Variants in AGBL1 observed in about 807,000 individuals in gnomAD.
AGBL1 encodes cytosolic carboxypeptidase 4.
A neutral mutation model predicts 118.9 loss-of-function variants in AGBL1; 130 were observed. The ratio of observed to expected loss-of-function variants is 1.09; its 90% CI spans 0.95 to 1.26. The LOEUF (loss-of-function observed/expected upper bound fraction) is 1.26. AGBL1 is among the 50% of genes most tolerant of loss of function. The pLI is 0.00. For missense variants in AGBL1, 1,584 were observed against 1,298.1 expected (o/e 1.22, Z -3.38); for synonymous variants, 555 against 478.9 (o/e 1.16, Z -2.08).
chr15:86,426,191 G>T (rs2081864456), intron 18 of AGBL1, among the ~76,000 whole-genome samples: 1 of 152,164 alleles, frequency 6.6e-6, no homozygotes, highest in Non-Finnish European at 1.5e-5. Context: ...TACTCTGAAA[G>T]ACTGCGAATT....
chr15:86,379,899 CT>C (rs1309478984), intron 17 of AGBL1, among the ~76,000 whole-genome samples: 2 of 152,202 alleles, frequency 1.3e-5, no homozygotes, highest in Non-Finnish European at 2.9e-5. Context: ...GAACTCTTAA[CT>C]TTTCAGAAAG....
At chr15:86,924,220 G>T (rs1416078518) in intron 23 of AGBL1, among the ~76,000 whole-genome samples, 2 of 152,186 alleles carry the variant, frequency 1.3e-5, no homozygotes, top group Non-Finnish European at 2.9e-5. Flanking sequence ...ACGATAGATT[G>T]GCTGGTAAGT....
intron 18 of AGBL1, among the ~76,000 whole-genome samples, chr15:86,445,228 A>C (rs80036574): frequency 7.4e-4 from 113 of 152,370 alleles, no homozygotes; most frequent in African/African-American, 2.7e-3. Flanking sequence ...TGACAGGAGT[A>C]GCAAGTCAGC....
chr15:86,777,484 G>A (rs1303560114), intron 22 of AGBL1, among the ~76,000 whole-genome samples: 4 of 151,546 alleles, frequency 2.6e-5, no homozygotes, highest in African/African-American at 9.7e-5. Context: ...GTTTCCATAG[G>A]AAGTTTAGAA....
intron 24 of AGBL1, among the ~76,000 whole-genome samples, chr15:87,014,996 C>T (rs919101927): frequency 3.3e-5 from 5 of 152,076 alleles, no homozygotes; most frequent in African/African-American, 1.2e-4. Flanking sequence ...GAAGATTGCG[C>T]TCAATGTGAA....
intron 21 of AGBL1, among the ~76,000 whole-genome samples, chr15:86,632,687 C>T (rs968656638): frequency 6.6e-6 from 1 of 151,424 alleles, no homozygotes; most frequent in African/African-American, 2.4e-5. Flanking sequence ...TCAAACTAAC[C>T]CATGTAATTT....
At position 86,081,042 on chromosome 15, in the gene AGBL1, G is replaced by C. The variant is rs571719779; in HGVS notation, c.51+1019G>C. On this transcript the variant is annotated intron_variant, in intron 1 of 22. Coordinates refer to ENST00000614907, the MANE Select transcript of AGBL1 (RefSeq NM_001386094.1). ...AAATGTTCTTAATTTTCCTCTGATTGTTTTTGTTTTTATTTTGTTGAGACA... is the reference window on the plus strand; with the variant it reads ...AAATGTTCTTAATTTTCCTCTGATTCTTTTTGTTTTTATTTTGTTGAGACA... 2.0e-5 allele frequency among the ~76,000 whole-genome samples: 3 copies of C among 152,096 alleles called. No homozygotes were observed. The East Asian group carries it at 5.8e-4, about 29-fold the overall frequency.
At chr15:86,355,504 T>G (rs915098563) in intron 17 of AGBL1, among the ~76,000 whole-genome samples, 13 of 152,324 alleles carry the variant, frequency 8.5e-5, no homozygotes, top group African/African-American at 2.4e-4. Context: ...TTTTGAGGGC[T>G]GCTGGCTCCT....
In AGBL1 at chr15:86,508,067, C is replaced by T. The variant is rs145832307; in HGVS notation, c.2556-14743C>T. Among the ~76,000 whole-genome samples, 956 of 148,460 alleles carry T rather than the reference C, an allele frequency of 6.4e-3. 13 individuals carry two copies. Among genetic ancestry groups the T allele is most frequent in the African/African-American group, 0.021 (860 of 40,112 alleles). On this transcript the variant is annotated intron_variant, in intron 18 of 22. Coordinates refer to ENST00000614907, the MANE Select transcript of AGBL1 (RefSeq NM_001386094.1). ...GTTGCTAGGCCAGAGTGCAGTGGCA[C>T]GAGCCACCATGCCCAGCTAATTTTT...
intron 22 of AGBL1, among the ~76,000 whole-genome samples, chr15:86,796,818 C>A (rs186145841): frequency 6.6e-6 from 1 of 152,328 alleles, no homozygotes; most frequent in East Asian, 1.9e-4. Context: ...TACTGTCTGG[C>A]TCTTTATATG....
At chr15:86,903,657 C>T (rs1340168839) in intron 22 of AGBL1, among the ~76,000 whole-genome samples, 1 of 152,140 alleles carries the variant, frequency 6.6e-6, no homozygotes, top group Non-Finnish European at 1.5e-5. Flanking sequence ...ATTCACACAA[C>T]AGAAAAAGGG....
chr15:86,727,391 C>A (rs1355620760), intron 22 of AGBL1, among the ~76,000 whole-genome samples: 2 of 152,046 alleles, frequency 1.3e-5, no homozygotes, highest in Admixed American at 1.3e-4. Context: ...GAAAAAGGTG[C>A]CTTGGGAAAG....
chr15:86,803,635 G>A (rs1040458827), intron 22 of AGBL1, among the ~76,000 whole-genome samples: 1 of 152,120 alleles, frequency 6.6e-6, no homozygotes, highest in African/African-American at 2.4e-5. Flanking sequence ...ATCTTATGGT[G>A]ATTTGGAATC....
intron 22 of AGBL1, among the ~76,000 whole-genome samples, chr15:86,749,079 G>T (rs1333404511): frequency 6.6e-6 from 1 of 152,062 alleles, no homozygotes; most frequent in African/African-American, 2.4e-5. Context: ...GGATGGGATT[G>T]AATTTATAAA....
chr15:86,596,099 G>A (rs1180666941), intron 21 of AGBL1, among the ~76,000 whole-genome samples: 2 of 152,150 alleles, frequency 1.3e-5, no homozygotes, highest in Admixed American at 1.3e-4. Flanking sequence ...AGGAGTTTGA[G>A]ACCAGCCTGG....
rs193272225 is a variant in AGBL1, at chr15:86,317,639, T to C, written c.2374+22231T>C. Among the ~76,000 whole-genome samples, 3 of 152,348 alleles carry C rather than the reference T, an allele frequency of 2.0e-5. No individual in the cohort carries two copies. In the East Asian group the frequency reaches 5.8e-4, roughly 29 times the overall value. The stretch of plus-strand genomic sequence containing the variant: ...AGCTTTGGGAGGAGGATTGAGTCGA[T>C]ATTAATGATGAAATAGAGCAGGGAT... On this transcript the variant is annotated intron_variant, in intron 17 of 22. Coordinates refer to ENST00000614907, the MANE Select transcript of AGBL1 (RefSeq NM_001386094.1).
chr15:86,885,635 A>G (rs1325191272), intron 22 of AGBL1, among the ~76,000 whole-genome samples: 1 of 152,204 alleles, frequency 6.6e-6, no homozygotes, highest in South Asian at 2.1e-4. Flanking sequence ...TTTCATTGTC[A>G]GGAAAAATGT....
At chr15:86,450,304 A>C (rs1367931473) in intron 18 of AGBL1, among the ~76,000 whole-genome samples, 1 of 152,196 alleles carries the variant, frequency 6.6e-6, no homozygotes, top group African/African-American at 2.4e-5. Context: ...TTTCCTTGTC[A>C]AATCCCTACC....
chr15:86,516,728 G>C (rs975892550), intron 18 of AGBL1, among the ~76,000 whole-genome samples: 1 of 150,946 alleles, frequency 6.6e-6, no homozygotes, highest in Non-Finnish European at 1.5e-5. Context: ...TTGAACCCAG[G>C]AGGCGGAGGT....
Sources: gnomAD v4.1 joint callset for allele counts (sites outside exome capture counted in the v4.1 genomes callset) on GRCh38, gnomAD v4.1.1 for gene constraint, MANE v1.5 for transcripts, NCBI Gene and HGNC (gene_info 2026-07-23, HGNC 2026-07-21) for gene names.